Variants in SORCS2 observed in about 807,000 individuals in gnomAD.
SORCS2 encodes VPS10 domain-containing receptor SorCS2.
Under a neutral mutation model 141.6 loss-of-function variants are expected in SORCS2, and 100 were observed. That is an observed-to-expected ratio of 0.71 (90% CI 0.60 to 0.83). SORCS2 has a LOEUF of 0.83. SORCS2 is among the 40% of genes least tolerant of loss of function. The pLI, the probability that SORCS2 is intolerant of heterozygous loss-of-function variation, is 0.00. For synonymous variants in SORCS2, 789 were observed against 676.9 expected (o/e 1.17, Z -2.57); for missense variants, 1,646 against 1,560.2 (o/e 1.05, Z -0.93).
intron 3 of SORCS2, among the ~76,000 whole-genome samples, chr4:7,565,968 G>A (rs533936052): frequency 1.1e-5 from 1 of 93,290 alleles, no homozygotes; most frequent in African/African-American, 2.7e-5. Flanking sequence ...TGGTGATGCT[G>A]TGATGATGGT....
Position 7,318,255 on chromosome 4 carries a change from G to T in SORCS2, c.481-78033G>T, listed in dbSNP as rs1322276372. Among the ~76,000 whole-genome samples, 2 of 152,216 alleles carry T rather than the reference G, an allele frequency of 1.3e-5. 1 individual carries two copies. The highest frequency in any genetic ancestry group is 1.3e-4 in the Admixed American group (2 of 15,284). On this transcript the variant is annotated intron_variant, in intron 1 of 26. Transcript: ENST00000507866. ...GTCCCTGAAGATTATCCAGCTAAGA[G>T]GTGGCAGAGCTAGGTGCTGCACCCT...
intron 2 of SORCS2, among the ~76,000 whole-genome samples, chr4:7,506,750 C>T (rs1227013441): frequency 1.3e-5 from 2 of 152,156 alleles, no homozygotes; most frequent in Non-Finnish European, 2.9e-5. Context: ...TAAACGTTGC[C>T]GGAGACTGGA....
At chr4:7,375,288 C>A (rs1213127423) in intron 1 of SORCS2, among the ~76,000 whole-genome samples, 2 of 152,194 alleles carry the variant, frequency 1.3e-5, no homozygotes, top group Non-Finnish European at 2.9e-5. Context: ...GGGTGTTGGA[C>A]ATTTATATCA....
At chr4:7,329,567 T>C (rs1341639760) in intron 1 of SORCS2, among the ~76,000 whole-genome samples, 1 of 152,162 alleles carries the variant, frequency 6.6e-6, no homozygotes, top group Non-Finnish European at 1.5e-5. Flanking sequence ...GTTTCTTTGG[T>C]GAAGACCTTC....
chr4:7,207,623 C>G (rs570109025), intron 1 of SORCS2, among the ~76,000 whole-genome samples: 3 of 152,336 alleles, frequency 2.0e-5, no homozygotes, highest in Non-Finnish European at 4.4e-5. Flanking sequence ...GGGCAGATGT[C>G]TAGCGATGCA....
At chr4:7,647,936 A>G (rs1721185115) in intron 4 of SORCS2, among the ~76,000 whole-genome samples, 1 of 152,248 alleles carries the variant, frequency 6.6e-6, no homozygotes, top group Non-Finnish European at 1.5e-5. Context: ...GCTAATTGGC[A>G]GCTTGAGCAT....
chr4:7,198,647 G>C (rs576860342), intron 1 of SORCS2, among the ~76,000 whole-genome samples: 81 of 152,292 alleles, frequency 5.3e-4, no homozygotes, highest in Middle Eastern at 3.4e-3. Flanking sequence ...CACCTGGAGA[G>C]AGACAGAAGC....
intron 3 of SORCS2, among the ~76,000 whole-genome samples, chr4:7,618,000 C>T (rs1718880722): frequency 6.6e-6 from 1 of 152,048 alleles, no homozygotes; most frequent in South Asian, 2.1e-4. Context: ...GTCATGGCTT[C>T]AGATATTATG....
intron 4 of SORCS2, among the ~76,000 whole-genome samples, chr4:7,641,265 G>C (rs1473286760): frequency 6.6e-6 from 1 of 152,196 alleles, no homozygotes; most frequent in East Asian, 1.9e-4. Flanking sequence ...CCACATGGGT[G>C]GGGAGGCCTC....
chr4:7,369,435 T>C (rs1722112141), intron 1 of SORCS2, among the ~76,000 whole-genome samples: 1 of 152,186 alleles, frequency 6.6e-6, no homozygotes, highest in South Asian at 2.1e-4. Flanking sequence ...TATGAGCTGG[T>C]CTCTCCTAAG....
At position 7,194,047 on chromosome 4, in the gene SORCS2, T is replaced by A. The variant is rs1368546111; in HGVS notation, c.480+921T>A. Among the ~76,000 whole-genome samples the A allele has an allele frequency of 5.9e-5, 9 of 152,044 alleles. No homozygotes were observed. The East Asian group carries it at 1.7e-3, about 29-fold the overall frequency. ...CCCCCACAAAAGGGCCAAGGGCCAC[T>A]CTGAAGTCACCCTGGGGCAGCCCCT... is the stretch of plus-strand genomic sequence containing the variant. On this transcript the variant is annotated intron_variant, in intron 1 of 26. Coordinates refer to ENST00000507866, the MANE Select transcript of SORCS2 (RefSeq NM_020777.3).
At chr4:7,533,587 T>C (rs1006347101) in intron 3 of SORCS2, among the ~76,000 whole-genome samples, 8 of 152,180 alleles carry the variant, frequency 5.3e-5, no homozygotes, top group Non-Finnish European at 2.9e-5. Context: ...CACAGGCACC[T>C]GGGATGTGAT....
At chr4:7,598,021 T>C (rs1717400167) in intron 3 of SORCS2, among the ~76,000 whole-genome samples, 1 of 147,342 alleles carries the variant, frequency 6.8e-6, no homozygotes, top group African/African-American at 2.5e-5. Context: ...CAGGCTGGAG[T>C]GCAATGGCAC....
At position 7,233,798 on chromosome 4, in the gene SORCS2, G is replaced by A. The variant is rs888927740; in HGVS notation, c.480+40672G>A. 3.3e-5 allele frequency among the ~76,000 whole-genome samples: 5 copies of A among 152,224 alleles called. No homozygotes were observed. The highest frequency in any genetic ancestry group is 1.2e-4 in the African/African-American group (5 of 41,454). ...TACTCCTGCACGCCTCAGTTTTCCT[G>A]TCTGTAAAATGGGTGCCGTGGTGCA... is the stretch of plus-strand genomic sequence containing the variant. On this transcript the variant is annotated intron_variant, in intron 1 of 26. Transcript: ENST00000507866. The surrounding 1 kb of genome is among the most constrained non-coding windows in gnomAD (Gnocchi z 4.5).
chr4:7,388,039 C>G (rs1171520069), intron 1 of SORCS2, among the ~76,000 whole-genome samples: 1 of 148,534 alleles, frequency 6.7e-6, no homozygotes, highest in Non-Finnish European at 1.5e-5. Flanking sequence ...CGCACACATG[C>G]ACACACACAT....
intron 2 of SORCS2, among the ~76,000 whole-genome samples, chr4:7,518,832 G>T (rs537981852): frequency 1.5e-4 from 23 of 151,868 alleles, no homozygotes; most frequent in Admixed American, 7.9e-4. Flanking sequence ...ATCAAACGCA[G>T]CTTCCCCCAA....
At chr4:7,259,762 G>T (rs930022941) in intron 1 of SORCS2, among the ~76,000 whole-genome samples, 1 of 152,216 alleles carries the variant, frequency 6.6e-6, no homozygotes, top group Non-Finnish European at 1.5e-5. Context: ...CATGCCCTTG[G>T]GGTTCACAGC....
chr4:7,384,538 C>T (rs752650746), intron 1 of SORCS2, among the ~76,000 whole-genome samples: 11 of 152,172 alleles, frequency 7.2e-5, no homozygotes, highest in Admixed American at 2.6e-4. Context: ...CTGCCTCAAC[C>T]GCGCTGGGTA....
At chr4:7,301,531 GGGCCCACATT>G (rs1487065201) in intron 1 of SORCS2, among the ~76,000 whole-genome samples, 1 of 152,212 alleles carries the variant, frequency 6.6e-6, no homozygotes, top group Non-Finnish European at 1.5e-5. Context: ...CCCTGAGTAT[GGGCCCACATT>G]GGCTGGGAGC....
Sources: allele counts gnomAD v4.1 joint callset (sites outside exome capture counted in the v4.1 genomes callset), GRCh38; gene constraint gnomAD v4.1.1; non-coding constraint Gnocchi (gnomAD v3.1); transcripts MANE v1.5; gene names NCBI Gene and HGNC (gene_info 2026-07-23, HGNC 2026-07-21).